Variants in HTR2C observed in about 807,000 individuals in gnomAD.
HTR2C encodes 5-hydroxytryptamine receptor 2C, also known as 5-hydroxytryptamine (serotonin) receptor 2C, G protein-coupled.
HTR2C carries 5 observed loss-of-function variants against 21.0 expected under a neutral mutation model. That is an observed-to-expected ratio of 0.24 (90% confidence interval 0.12 to 0.50). The LOEUF is 0.50. Among genes scored for constraint, HTR2C ranks in the 20% least tolerant of loss-of-function variants. The pLI is 0.98. For missense variants in HTR2C, 271 were observed against 371.2 expected (o/e 0.73, Z 2.22); for synonymous variants, 150 against 145.3 (o/e 1.03, Z -0.23).
At chrX:114,653,789 T>C (rs782480998) in intron 2 of HTR2C, among the ~76,000 whole-genome samples, 3 of 111,181 alleles carry the variant, frequency 2.7e-5, no homozygotes, top group African/African-American at 9.7e-5. Context: ...AATAAAGTAA[T>C]AGCCACCCGC....
At chrX:114,761,157 TTA>T (rs1315274094) in intron 4 of HTR2C, among the ~76,000 whole-genome samples, 1 of 111,271 alleles carries the variant, frequency 9.0e-6, no homozygotes, top group Non-Finnish European at 1.9e-5. Flanking sequence ...TTAAAATTCT[TTA>T]TAGTTTTTTG....
chrX:114,835,809 GTT>G (rs1183475836), intron 4 of HTR2C, among the ~76,000 whole-genome samples: 4 of 110,685 alleles, frequency 3.6e-5, no homozygotes, highest in African/African-American at 1.3e-4. Flanking sequence ...CAGTTTTTCT[GTT>G]CTGTTTTTTC....
At chrX:114,663,508 AG>A (rs781880441) in intron 2 of HTR2C, among the ~76,000 whole-genome samples, 10 of 112,007 alleles carry the variant, frequency 8.9e-5, no homozygotes, top group Admixed American at 2.9e-4. Context: ...AAAATTAAAA[AG>A]CTTTCAAACA....
At chrX:114,764,923 CTT>C (rs1314143456) in intron 4 of HTR2C, among the ~76,000 whole-genome samples, 2 of 25,484 alleles carry the variant, frequency 7.8e-5, no homozygotes, top group African/African-American at 2.3e-4. Context: ...TTCTTTCTTT[CTT>C]TTCCTTCCTT....
intron 3 of HTR2C, among the ~76,000 whole-genome samples, chrX:114,730,701 C>A (rs2069526592): frequency 1.8e-5 from 2 of 111,880 alleles, no homozygotes; most frequent in South Asian, 7.4e-4. Context: ...AATGCAACTT[C>A]CAGTTTCCTT....
intron 4 of HTR2C, among the ~76,000 whole-genome samples, chrX:114,802,767 C>T (rs903909147): frequency 4.5e-5 from 4 of 89,679 alleles, no homozygotes; most frequent in African/African-American, 1.7e-4. Flanking sequence ...TTTTAGGGTA[C>T]ATGTGCACAA....
chrX:114,639,183 T>G (rs1929988525), intron 2 of HTR2C, among the ~76,000 whole-genome samples: 1 of 112,284 alleles, frequency 8.9e-6, no homozygotes, highest in Non-Finnish European at 1.9e-5. Flanking sequence ...TCTATAAATA[T>G]TTTGATCAAA....
chrX:114,592,244 T>G (rs782048814), intron 1 of HTR2C, among the ~76,000 whole-genome samples: 33 of 112,656 alleles, frequency 2.9e-4, no homozygotes, highest in South Asian at 7.3e-4. Flanking sequence ...CATTGTGGTT[T>G]TCACCGCAAT....
At chrX:114,704,711 A>G (rs1203648279) in intron 2 of HTR2C, among the ~76,000 whole-genome samples, 13 of 111,293 alleles carry the variant, frequency 1.2e-4, no homozygotes, top group Non-Finnish European at 2.4e-4. Flanking sequence ...TGGCCAGGCA[A>G]TCAGGCAGGA....
At chrX:114,621,672 G>A (rs1209514717) in intron 2 of HTR2C, among the ~76,000 whole-genome samples, 2 of 111,120 alleles carry the variant, frequency 1.8e-5, no homozygotes, top group African/African-American at 6.6e-5. Context: ...AAGAAGGAAG[G>A]CTTTTCCTGG....
chrX:114,815,363 AT>A (rs782151606), intron 4 of HTR2C, among the ~76,000 whole-genome samples: 1 of 111,634 alleles, frequency 9.0e-6, no homozygotes, highest in African/African-American at 3.2e-5. Flanking sequence ...CTTCTTTTGA[AT>A]TACCTTCAAG....
chrX:114,751,701 G>C (rs782817692), intron 4 of HTR2C, among the ~76,000 whole-genome samples: 1 of 111,450 alleles, frequency 9.0e-6, no homozygotes, highest in South Asian at 3.8e-4. Flanking sequence ...AAATAATTAG[G>C]CCTTTGGGTG....
At chrX:114,786,103 GA>G (rs1451974425) in intron 4 of HTR2C, among the ~76,000 whole-genome samples, 2 of 112,150 alleles carry the variant, frequency 1.8e-5, no homozygotes, top group African/African-American at 6.5e-5. Context: ...AGTAATCAGG[GA>G]AATTAAAATC....
At chrX:114,881,520 G>A (rs782588425) in intron 5 of HTR2C, among the ~76,000 whole-genome samples, 39 of 107,499 alleles carry the variant, frequency 3.6e-4, no homozygotes, top group Non-Finnish European at 7.2e-4. Context: ...TTCTGTGAAT[G>A]GTGCAAGATA....
At chrX:114,637,921 G>A (rs1214272942) in intron 2 of HTR2C, among the ~76,000 whole-genome samples, 2 of 111,271 alleles carry the variant, frequency 1.8e-5, no homozygotes, top group African/African-American at 6.5e-5. Flanking sequence ...AAGAAAGGAA[G>A]CTTAATTGAG....
intron 4 of HTR2C, among the ~76,000 whole-genome samples, chrX:114,737,547 C>T (rs1181252509): frequency 9.1e-6 from 1 of 110,488 alleles, no homozygotes; most frequent in Admixed American, 9.7e-5. Flanking sequence ...AGATTTTTCA[C>T]AAAATAGAAA....
At chrX:114,887,355 C>T (rs141598472) in intron 5 of HTR2C, among the ~76,000 whole-genome samples, 2,679 of 111,413 alleles carry the variant, frequency 0.024, 92 homozygotes, top group African/African-American at 0.084. Context: ...ATTAATGAAT[C>T]CATTTTGATT....
intron 2 of HTR2C, among the ~76,000 whole-genome samples, chrX:114,674,202 A>G (rs1272623340): frequency 2.7e-5 from 3 of 112,226 alleles, no homozygotes; most frequent in Non-Finnish European, 5.6e-5. Flanking sequence ...TTCATAGTCT[A>G]GTTTTCTAGG....
intron 1 of HTR2C, among the ~76,000 whole-genome samples, chrX:114,591,338 G>A (rs1385014586): frequency 8.9e-6 from 1 of 111,757 alleles, no homozygotes; most frequent in Non-Finnish European, 1.9e-5. Flanking sequence ...AAGCAGAAAT[G>A]AGCTGGTTTC....
Sources: gnomAD v4.1 joint callset for allele counts (sites outside exome capture counted in the v4.1 genomes callset) on GRCh38, gnomAD v4.1.1 for gene constraint, MANE v1.5 for transcripts, NCBI Gene and HGNC (gene_info 2026-07-23, HGNC 2026-07-21) for gene names.